ELP5: variants seen among roughly 807,000 people sequenced by gnomAD.
ELP5 encodes the protein elongator complex protein 5.
In ELP5, 34 loss-of-function variants were observed where a neutral mutation model predicts 33.4. The ratio of observed to expected loss-of-function variants is 1.02; its 90% CI spans 0.78 to 1.36. ELP5 has a LOEUF of 1.36. ELP5 is among the 40% of genes most tolerant of loss of function. The probability of loss-of-function intolerance (pLI) is 0.00; values close to 1 mark genes in which losing one functional copy is unlikely to be tolerated. For missense variants in ELP5, 373 were observed against 371.7 expected, an observed-to-expected ratio of 1.00 and a Z score of -0.03; for synonymous variants, 161 against 146.4, an observed-to-expected ratio of 1.10 and a Z score of -0.72.
chr17:7,259,873 G>C lies in ELP5; in HGVS notation c.*188G>C. 1 of 988,316 alleles carries C rather than the reference G, an allele frequency of 1.0e-6. No individual in the cohort carries two copies. The highest frequency in any genetic ancestry group is 1.8e-5 in the South Asian group (1 of 55,168). The allele number at this position is 988,316 out of a possible 1,614,324, so 61.2% of individuals were successfully genotyped here. A position where few individuals can be genotyped will look rare whatever the true frequency, so the allele number is the denominator to read the frequency against. ...AGGACAGAAGGTAGGATGAAGACAT[G>C]GGGTAATGTGAGAGAGTAGAACACC... On this transcript the variant is annotated 3_prime_UTR_variant, in exon 8 of 8. Transcript: ENST00000396628.
At position 7,256,602 on chromosome 17, in the gene ELP5, G is replaced by A. The variant is rs539682356; in HGVS notation, c.410-255G>A. Reference sequence around the variant, plus strand: ...TGGACACCACCTGCTGGAAGCGTTCGTTCCATCCTGAAGGCAGGAGCTGCT... The same window carrying A: ...TGGACACCACCTGCTGGAAGCGTTCATTCCATCCTGAAGGCAGGAGCTGCT... On this transcript the variant is annotated intron_variant, in intron 4 of 7. Coordinates refer to ENST00000396628, the MANE Select transcript of ELP5 (RefSeq NM_203414.3). Among the ~76,000 whole-genome samples, 38 of 152,334 alleles carry A rather than the reference G, an allele frequency of 2.5e-4. No individual in the cohort carries two copies. In the South Asian group the frequency reaches 3.9e-3, roughly 16 times the overall value.
rs1251967176 is a variant in ELP5, at chr17:7,252,380, T to C, written c.-171T>C. Reference sequence around the variant, plus strand: ...GGCTCGGGGAGGGGCGCCCTCCGCGTGAGCGCCCCCCTGGGAATATTGAAC... The same window carrying C: ...GGCTCGGGGAGGGGCGCCCTCCGCGCGAGCGCCCCCCTGGGAATATTGAAC... On this transcript the variant is annotated 5_prime_UTR_variant, in exon 1 of 8. Coordinates refer to ENST00000396628, the MANE Select transcript of ELP5 (RefSeq NM_203414.3). 9.9e-7 allele frequency: 1 copy of C among 1,006,946 alleles called. No homozygotes were observed. Among genetic ancestry groups the C allele is most frequent in the Non-Finnish European group, 1.5e-6 (1 of 671,810 alleles). 62.4% of individuals were successfully genotyped at this position (1,006,946 alleles called of 1,614,324 possible).
Position 7,257,028 on chromosome 17 carries a change from C to A in ELP5, c.581C>A (p.Pro194Gln). ...CTGTGTCGGAGGCCCCGACAGCGCC[C>A]AACTGACCAGGTCAGAAGAACCAAC... ...HILCRRPRQR[P>Q]TDQTQWFSIL... is the part of the protein sequence containing the mutation. Residue 194 changes from proline (P) to glutamine (Q), a missense_variant, in exon 5 of 8, where the codon CCA (proline) becomes CAA (glutamine). By Grantham distance (76) the Pro-to-Gln change is moderately conservative. Transcript: ENST00000396628. 6.3e-7 allele frequency: 1 copy of A among 1,588,432 alleles called. No individual in the cohort carries two copies.
chr17:7,254,720 C>G lies in ELP5; in HGVS notation c.326C>G (p.Ser109Ter), dbSNP rs959127111. 7 of 1,614,032 alleles carry G rather than the reference C, an allele frequency of 4.3e-6. No homozygotes were observed. In the African/African-American group the frequency reaches 8.0e-5, roughly 18 times the overall value. ...GTTCCTGTCACCATTGCTCTCGATT[C>G]ACTCAGCTGGCTGCTACTTCGCCTT... ...DPVPVTIALD[S>*]LSWLLLRLPC... is the part of the protein sequence containing the mutation. The change falls in exon 4 of 8, where the codon TCA becomes TGA. Residue 109 changes from serine (S) to a stop codon, truncating the protein, a stop_gained. Coordinates refer to ENST00000396628, the MANE Select transcript of ELP5 (RefSeq NM_203414.3). LOFTEE classifies it high-confidence loss of function.
intron 7 of ELP5, chr17:7,259,227 A>C (rs1460138241): frequency 7.3e-7 from 1 of 1,377,078 alleles, no homozygotes; most frequent in Non-Finnish European, 9.4e-7. Context: ...TGGTGCTAGG[A>C]GGACAGAAGG....
chr17:7,253,032 T>G, intron 3 of ELP5, 34 bp downstream of exon 3: 1 of 1,603,910 alleles, frequency 6.2e-7, no homozygotes, highest in Non-Finnish European at 8.5e-7. Context: ...TGATTAAATT[T>G]GAGACCTATA....
chr17:7,255,369 C>CA (rs1182716300), intron 4 of ELP5, among the ~76,000 whole-genome samples: 7 of 150,752 alleles, frequency 4.6e-5, no homozygotes, highest in East Asian at 1.9e-4. Flanking sequence ...ACTAAAAATA[C>CA]AAAAAAAAAT....
chr17:7,259,785 C>A lies in ELP5; in HGVS notation c.*100C>A. 1 of 1,517,706 alleles carries A rather than the reference C, an allele frequency of 6.6e-7. No individual in the cohort carries two copies. Among genetic ancestry groups the A allele is most frequent in the Non-Finnish European group, 8.8e-7 (1 of 1,132,778 alleles). 94.0% of individuals were successfully genotyped at this position (1,517,706 alleles called of 1,614,324 possible). A position where few individuals can be genotyped will look rare whatever the true frequency, so the allele number is the denominator to read the frequency against. ...TTGTGTTAGCCTTACCCTGTCCCTG[C>A]CCCACCTTGGTTCCCCTTGTCTATG... On this transcript the variant is annotated 3_prime_UTR_variant, in exon 8 of 8. Transcript: ENST00000396628.
At position 7,258,939 on chromosome 17, in the gene ELP5, C is replaced by A. The variant is rs1390913045; in HGVS notation, c.788+13C>A. The A allele has an allele frequency of 6.2e-7, 1 of 1,614,096 alleles. No homozygotes were observed. Among genetic ancestry groups the A allele is most frequent in the East Asian group, 2.2e-5 (1 of 44,890 alleles). ...TCAGTTCTGAAAAGTAAGGTTGGGA[C>A]CTGGGTACGTGGATCCCTGAGTAGA... On this transcript the variant is annotated intron_variant, in intron 7 of 7. Transcript: ENST00000396628.
rs1427483701 is a variant in ELP5 at position 7,259,840 on chromosome 17, G to A, written c.*155G>A. ...CCCGCCTTGTGAGCCAGGAAGCAGC[G>A]TCTCATCAGGACAGAAGGTAGGATG... On this transcript the variant is annotated 3_prime_UTR_variant, in exon 8 of 8. Transcript: ENST00000396628. 1.0e-5 allele frequency: 14 copies of A among 1,347,834 alleles called. No homozygotes were observed. The highest frequency in any genetic ancestry group is 1.4e-5 in the Non-Finnish European group (14 of 1,002,336). 83.5% of individuals were successfully genotyped at this position (1,347,834 alleles called of 1,614,324 possible).
intron 5 of ELP5, 61 bp downstream of exon 5, chr17:7,257,099 G>A (rs2072095711): frequency 1.4e-6 from 2 of 1,458,962 alleles, no homozygotes; most frequent in Non-Finnish European, 1.8e-6. Context: ...TGGCACGATG[G>A]GAAGAACAAT....
At chr17:7,255,107 T>C (rs1209563882) in intron 4 of ELP5, among the ~76,000 whole-genome samples, 1 of 152,104 alleles carries the variant, frequency 6.6e-6, no homozygotes. Flanking sequence ...ACAGACTGAC[T>C]GTAGCTGGGT....
chr17:7,254,008 A>G (rs2072014653), intron 3 of ELP5, among the ~76,000 whole-genome samples: 1 of 120,718 alleles, frequency 8.3e-6, no homozygotes, highest in Admixed American at 8.2e-5. Flanking sequence ...AAAAAAAAAA[A>G]AAAGCGGGCA....
Position 7,256,876 on chromosome 17 carries a change from G to A in ELP5, c.429G>A (p.Gly143=). The A allele has an allele frequency of 1.2e-6, 2 of 1,614,198 alleles. No homozygotes were observed. The highest frequency in any genetic ancestry group is 1.7e-6 in the Non-Finnish European group (2 of 1,180,034). ...CTCTAGGTGACAGCTCCTCAGTGGG[G>A]AAAGTGAGTGTGCTGGGCTTGCTAC... The part of the protein sequence containing the change: ...DSCPGDSSSV[G]KVSVLGLLHE... Residue 143 remains glycine (G), a synonymous_variant, in exon 5 of 8, where the codon GGG becomes GGA. Transcript: ENST00000396628.
At chr17:7,254,211 C>T (rs1048039488) in intron 3 of ELP5, among the ~76,000 whole-genome samples, 1 of 152,194 alleles carries the variant, frequency 6.6e-6, no homozygotes, top group Admixed American at 6.5e-5. Context: ...GGGTGATAAT[C>T]TTTAGGTGCC....
At position 7,252,576 on chromosome 17, in the gene ELP5, G is replaced by A. The variant is rs1471879621; in HGVS notation, c.26G>A (p.Gly9Asp). ...ATGTTGGACTCGCTGTTGGCCTTGG[G>A]CGGCCTGGTGCTGCTTCGGGGTGAG... MLDSLLALGGLVLLRDSVE... is the reference protein window; with the variant it reads MLDSLLALDGLVLLRDSVE... Residue 9 changes from glycine (G) to aspartate (D), a missense_variant, in exon 1 of 8, where the codon GGC becomes GAC. Gly to Asp is a moderately conservative substitution (Grantham distance 94). Transcript: ENST00000396628. 1 of 1,613,206 alleles carries A rather than the reference G, an allele frequency of 6.2e-7. No homozygotes were observed. The highest frequency in any genetic ancestry group is 1.1e-5 in the South Asian group (1 of 90,962).
chr17:7,253,049 A>C, intron 3 of ELP5, 51 bp downstream of exon 3: 1 of 1,578,154 alleles, frequency 6.3e-7, no homozygotes, highest in Non-Finnish European at 8.7e-7. Flanking sequence ...TATAATGCTA[A>C]GGAAATTTCT....
chr17:7,252,360 G>T lies in ELP5; in HGVS notation c.-191G>T. On this transcript the variant is annotated 5_prime_UTR_variant, in exon 1 of 8. Coordinates refer to ENST00000396628, the MANE Select transcript of ELP5 (RefSeq NM_203414.3). ...TCCGTACGACTGTGCGCCAGGGCTC[G>T]GGGAGGGGCGCCCTCCGCGTGAGCG... 1 of 806,732 alleles carries T rather than the reference G, an allele frequency of 1.2e-6. No homozygotes were observed. Among genetic ancestry groups the T allele is most frequent in the South Asian group, 1.5e-5 (1 of 65,672 alleles). 50.0% of individuals were successfully genotyped at this position (806,732 alleles called of 1,614,324 possible).
intron 4 of ELP5, among the ~76,000 whole-genome samples, chr17:7,255,595 C>G (rs569740146): frequency 1.4e-4 from 22 of 151,956 alleles, no homozygotes; most frequent in African/African-American, 5.1e-4. Context: ...GGCAGGGGCA[C>G]TGAGACTAGC....
Sources: allele counts gnomAD v4.1 joint callset (sites outside exome capture counted in the v4.1 genomes callset), GRCh38; gene constraint gnomAD v4.1.1; transcripts MANE v1.5; gene names NCBI Gene and HGNC (gene_info 2026-07-23, HGNC 2026-07-21).